GABRG2: variants seen among roughly 807,000 people sequenced by gnomAD.
The protein encoded by GABRG2 is gamma-aminobutyric acid type A receptor subunit gamma2, also known as gamma-aminobutyric acid receptor subunit gamma-2.
Under a neutral mutation model 56.4 loss-of-function variants are expected in GABRG2, and 16 were observed. That is an observed-to-expected ratio of 0.28 (90% CI 0.19 to 0.43). GABRG2 has a LOEUF of 0.43. GABRG2 is among the 20% of genes least tolerant of loss of function. GABRG2 has a pLI of 1.00. For missense variants in GABRG2, 327 were observed against 582.7 expected (o/e 0.56, Z 4.52); for synonymous variants, 208 against 205.5 (o/e 1.01, Z -0.10).
chr5:162,140,772 G>A (rs1298216985), intron 6 of GABRG2, among the ~76,000 whole-genome samples: 1 of 152,128 alleles, frequency 6.6e-6, no homozygotes, highest in African/African-American at 2.4e-5. Flanking sequence ...ATTTTAAAAA[G>A]ATGTAGTAAC....
At chr5:162,138,543 A>G (rs546265506) in intron 6 of GABRG2, among the ~76,000 whole-genome samples, 2 of 152,288 alleles carry the variant, frequency 1.3e-5, no homozygotes, top group South Asian at 4.1e-4. Flanking sequence ...TACCTAATAC[A>G]CTGCTCTATG....
chr5:162,153,080 A>G lies in GABRG2; in HGVS notation c.1153-13A>G. 4 of 1,613,628 alleles carry G rather than the reference A, an allele frequency of 2.5e-6. No individual in the cohort carries two copies. The highest frequency in any genetic ancestry group is 3.4e-6 in the Non-Finnish European group (4 of 1,179,796). On this transcript the variant is annotated splice_polypyrimidine_tract_variant and intron_variant, in intron 9 of 9. Coordinates refer to ENST00000639213, the MANE Select transcript of GABRG2 (RefSeq NM_198904.4). ...AACTAACTGATCCCTCTCCTTCCCT[A>G]CCCTCGTCCCAGGCCCCTACCATTG...
intron 6 of GABRG2, among the ~76,000 whole-genome samples, chr5:162,121,408 A>T (rs886095451): frequency 1.3e-5 from 2 of 152,104 alleles, no homozygotes; most frequent in African/African-American, 4.8e-5. Context: ...ATGAATGATG[A>T]CACTTGGATA....
At chr5:162,070,548 A>T (rs1268197358) in intron 1 of GABRG2, among the ~76,000 whole-genome samples, 4 of 151,558 alleles carry the variant, frequency 2.6e-5, no homozygotes, top group Non-Finnish European at 4.4e-5. Context: ...TAAAAAAAAA[A>T]TTGGTTTTTT....
chr5:162,130,211 G>A (rs569501570), intron 6 of GABRG2, among the ~76,000 whole-genome samples: 3 of 152,034 alleles, frequency 2.0e-5, no homozygotes, highest in South Asian at 4.1e-4. Context: ...CATGGGGGCA[G>A]GGGTGTGATA....
At chr5:162,123,863 T>C (rs550787486) in intron 6 of GABRG2, among the ~76,000 whole-genome samples, 1 of 152,090 alleles carries the variant, frequency 6.6e-6, no homozygotes, top group Non-Finnish European at 1.5e-5. Context: ...ACTGTGTTAA[T>C]GTTTTTGTTT....
At chr5:162,113,088 C>T (rs1407784439) in intron 6 of GABRG2, among the ~76,000 whole-genome samples, 4 of 152,034 alleles carry the variant, frequency 2.6e-5, no homozygotes, top group East Asian at 3.9e-4. Flanking sequence ...TGCACACGCA[C>T]GCCACTATGC....
chr5:162,139,978 A>G (rs534077489), intron 6 of GABRG2, among the ~76,000 whole-genome samples: 6 of 152,224 alleles, frequency 3.9e-5, no homozygotes, highest in African/African-American at 1.2e-4. Context: ...ATCTCAAATT[A>G]AATCTTTTTA....
chr5:162,069,053 G>T (rs975688647), intron 1 of GABRG2, among the ~76,000 whole-genome samples: 1 of 152,122 alleles, frequency 6.6e-6, no homozygotes, highest in East Asian at 1.9e-4. Flanking sequence ...AGGTAAGGCT[G>T]GAGACTGGAC....
chr5:162,108,840 C>T (rs1210876903), intron 6 of GABRG2, among the ~76,000 whole-genome samples: 3 of 152,148 alleles, frequency 2.0e-5, no homozygotes, highest in Non-Finnish European at 4.4e-5. Context: ...AGAGCATTTT[C>T]ACCCACCTTA....
chr5:162,128,337 G>A (rs1005203367), intron 6 of GABRG2: 3 of 151,936 alleles, frequency 2.0e-5, no homozygotes, highest in Admixed American at 2.0e-4. Flanking sequence ...TTCACTGCTG[G>A]AGGCAGAGAG....
intron 1 of GABRG2, among the ~76,000 whole-genome samples, chr5:162,078,369 C>CTATATATATATATATATATATATATATA (rs774147866): frequency 1.9e-5 from 1 of 53,876 alleles, no homozygotes; most frequent in African/African-American, 8.1e-5. Flanking sequence ...GAGCATCTTA[C>CTATATATATATATATATATATATATATA]TATATATATA....
At chr5:162,121,463 A>C (rs752489968) in intron 6 of GABRG2, among the ~76,000 whole-genome samples, 72 of 151,952 alleles carry the variant, frequency 4.7e-4, no homozygotes, top group Non-Finnish European at 9.9e-4. Flanking sequence ...CTTTGGATCT[A>C]TTTTTTTTAA....
At chr5:162,137,617 C>A (rs1164676329) in intron 6 of GABRG2, among the ~76,000 whole-genome samples, 1 of 151,988 alleles carries the variant, frequency 6.6e-6, no homozygotes, top group Non-Finnish European at 1.5e-5. Flanking sequence ...GTCATATTAG[C>A]CTTTGAATTC....
At chr5:162,120,453 C>T (rs1347778573) in intron 6 of GABRG2, among the ~76,000 whole-genome samples, 1 of 152,092 alleles carries the variant, frequency 6.6e-6, no homozygotes, top group Non-Finnish European at 1.5e-5. Context: ...TGAGGTTATG[C>T]CTACTTGAAT....
chr5:162,153,728 C>T lies in GABRG2; in HGVS notation c.*360C>T. 1 of 323,510 alleles carries T rather than the reference C, an allele frequency of 3.1e-6. No homozygotes were observed. Among genetic ancestry groups the T allele is most frequent in the East Asian group, 7.3e-5 (1 of 13,790 alleles). 20.0% of individuals were successfully genotyped at this position (323,510 alleles called of 1,614,324 possible). On this transcript the variant is annotated 3_prime_UTR_variant, in exon 10 of 10. Transcript: ENST00000639213. The stretch of plus-strand genomic sequence containing the variant: ...ATAATGCAATTAGATAGAAAAGGTC[C>T]AAAACTGTACCCTATGTTCACTCCG...
chr5:162,105,725 C>T (rs1053873574), intron 6 of GABRG2, among the ~76,000 whole-genome samples: 3 of 151,896 alleles, frequency 2.0e-5, no homozygotes, highest in Middle Eastern at 3.4e-3. Flanking sequence ...CCACCGCGCC[C>T]GGCCTAGAAC....
intron 7 of GABRG2, among the ~76,000 whole-genome samples, chr5:162,146,926 C>A (rs533293917): frequency 6.6e-6 from 1 of 152,290 alleles, no homozygotes; most frequent in East Asian, 1.9e-4. Context: ...CCAAGAGAAC[C>A]ACATGGTTCT....
rs989518116 is a variant in GABRG2 at position 162,131,877 on chromosome 5, T to C, written c.770-10287T>C. ...GGTCAAAATGTGGTGAGACACCTAC[T>C]CCAATATTAGTAGCTATAAGGAAGT... On this transcript the variant is annotated intron_variant, in intron 6 of 9. Transcript: ENST00000639213. Among the ~76,000 whole-genome samples, 5 of 148,352 alleles carry C rather than the reference T, an allele frequency of 3.4e-5. 1 individual carries two copies. The highest frequency in any genetic ancestry group is 7.6e-5 in the Non-Finnish European group (5 of 65,720).
Sources: allele counts gnomAD v4.1 joint callset (sites outside exome capture counted in the v4.1 genomes callset), GRCh38; gene constraint gnomAD v4.1.1; transcripts MANE v1.5; gene names NCBI Gene and HGNC (gene_info 2026-07-23, HGNC 2026-07-21).